Variants in MGAT4C observed in about 807,000 individuals in gnomAD.
MGAT4C encodes the protein MGAT4 family member C, also known as alpha-1,3-mannosyl-glycoprotein 4-beta-N-acetylglucosaminyltransferase C.
MGAT4C carries 19 observed loss-of-function variants against 40.1 expected under a neutral mutation model. The observed-to-expected ratio is 0.47, with a 90% CI of 0.33 to 0.70. The LOEUF is 0.70. MGAT4C is among the 30% of genes least tolerant of loss of function. The probability of loss-of-function intolerance (pLI) is 0.02; values close to 1 mark genes in which losing one functional copy is unlikely to be tolerated. For missense variants in MGAT4C, 491 were observed against 563.2 expected (o/e 0.87, Z 1.30); for synonymous variants, 181 against 187.1 (o/e 0.97, Z 0.27).
At chr12:86,078,584 C>T (rs970516285) in intron 1 of MGAT4C, among the ~76,000 whole-genome samples, 2 of 152,330 alleles carry the variant, frequency 1.3e-5, no homozygotes, top group African/African-American at 4.8e-5. Flanking sequence ...TGGCTTGTCA[C>T]TCCAAGGAAT....
At chr12:86,457,889 A>C (rs1478269296) in intron 2 of MGAT4C, among the ~76,000 whole-genome samples, 1 of 152,128 alleles carries the variant, frequency 6.6e-6, no homozygotes, top group Non-Finnish European at 1.5e-5. Flanking sequence ...CATGTGCTTC[A>C]GTATGGAATA....
At chr12:86,495,011 T>C (rs1958212599) in intron 2 of MGAT4C, among the ~76,000 whole-genome samples, 1 of 152,104 alleles carries the variant, frequency 6.6e-6, no homozygotes, top group Non-Finnish European at 1.5e-5. Flanking sequence ...GTGATTCTAC[T>C]TCTAAGAATA....
intron 1 of MGAT4C, among the ~76,000 whole-genome samples, chr12:86,793,280 G>T (rs2136194991): frequency 6.6e-6 from 1 of 152,240 alleles, no homozygotes; most frequent in Non-Finnish European, 1.5e-5. Context: ...ACTCAGAAAA[G>T]AAGTGATTTA....
intron 1 of MGAT4C, among the ~76,000 whole-genome samples, chr12:86,102,170 A>G (rs1262199074): frequency 6.6e-6 from 1 of 152,002 alleles, no homozygotes; most frequent in Admixed American, 6.6e-5. Context: ...GTAAACTTGA[A>G]TAACTAAAAT....
intron 4 of MGAT4C, among the ~76,000 whole-genome samples, chr12:86,301,909 G>A (rs1422825675): frequency 6.6e-6 from 1 of 151,398 alleles, no homozygotes; most frequent in Non-Finnish European, 1.5e-5. Flanking sequence ...TTGATAACAT[G>A]CAGGATTCAC....
chr12:86,363,602 T>A (rs909223627), intron 3 of MGAT4C, among the ~76,000 whole-genome samples: 6 of 151,958 alleles, frequency 3.9e-5, no homozygotes, highest in African/African-American at 1.4e-4. Context: ...AAAAATGTGA[T>A]AATAAAGATT....
intron 2 of MGAT4C, among the ~76,000 whole-genome samples, chr12:86,035,588 C>T (rs1449395075): frequency 2.0e-5 from 3 of 149,930 alleles, no homozygotes; most frequent in Admixed American, 6.7e-5. Flanking sequence ...TCATTAGATC[C>T]TATTTGTCAA....
chr12:86,828,977 A>C (rs1408043657), intron 1 of MGAT4C, among the ~76,000 whole-genome samples: 1 of 151,638 alleles, frequency 6.6e-6, no homozygotes, highest in East Asian at 1.9e-4. Flanking sequence ...TATATGCTTA[A>C]AGAATTCTAT....
intron 2 of MGAT4C, among the ~76,000 whole-genome samples, chr12:86,010,602 C>T (rs10863145): frequency 0.25 from 38,552 of 152,012 alleles, 5,602 homozygotes; most frequent in Non-Finnish European, 0.33. Context: ...TGCTTGAAAC[C>T]GGGAGGCGGA....
intron 1 of MGAT4C, among the ~76,000 whole-genome samples, chr12:86,198,385 A>G (rs1053795293): frequency 6.6e-6 from 1 of 152,184 alleles, no homozygotes; most frequent in Non-Finnish European, 1.5e-5. Context: ...TTTTTTGACT[A>G]ATCTGTTTGA....
At chr12:86,328,028 A>G (rs1165105096) in intron 4 of MGAT4C, among the ~76,000 whole-genome samples, 3 of 152,302 alleles carry the variant, frequency 2.0e-5, no homozygotes, top group African/African-American at 7.2e-5. Context: ...TTGAAATGAA[A>G]ACAAAACACT....
At chr12:86,249,616 A>G (rs1952181842) in intron 1 of MGAT4C, among the ~76,000 whole-genome samples, 2 of 152,142 alleles carry the variant, frequency 1.3e-5, no homozygotes, top group Non-Finnish European at 2.9e-5. Context: ...AGTTGTCCTT[A>G]CTGGTTATTT....
chr12:86,739,669 A>G (rs1951037394), intron 1 of MGAT4C, among the ~76,000 whole-genome samples: 1 of 151,136 alleles, frequency 6.6e-6, no homozygotes, highest in Non-Finnish European at 1.5e-5. Flanking sequence ...GAGATTATTT[A>G]TACTATAAAT....
At chr12:86,042,388 A>G (rs1305718328) in intron 2 of MGAT4C, among the ~76,000 whole-genome samples, 1 of 152,088 alleles carries the variant, frequency 6.6e-6, no homozygotes, top group African/African-American at 2.4e-5. Flanking sequence ...TTGTTTGTGT[A>G]GTTGCTTTAT....
intron 4 of MGAT4C, among the ~76,000 whole-genome samples, chr12:86,330,039 G>A (rs1369784123): frequency 6.6e-6 from 1 of 152,172 alleles, no homozygotes; most frequent in Non-Finnish European, 1.5e-5. Context: ...CACAGGAAAT[G>A]CTACCTACAA....
intron 2 of MGAT4C, among the ~76,000 whole-genome samples, chr12:86,611,456 T>TAGATAGATAGATAGATA (rs1555210960): frequency 2.1e-5 from 3 of 143,662 alleles, no homozygotes; most frequent in Admixed American, 1.4e-4. Context: ...GATAGATAGA[T>TAGATAGATAGATAGATA]GATAGATAGA....
chr12:86,719,277 T>C (rs913975051), intron 2 of MGAT4C, among the ~76,000 whole-genome samples: 2 of 152,180 alleles, frequency 1.3e-5, no homozygotes, highest in African/African-American at 4.8e-5. Flanking sequence ...GAGGTTTTAG[T>C]ATCCTGTTAT....
At chr12:86,591,384 C>A (rs1321075030) in intron 2 of MGAT4C, among the ~76,000 whole-genome samples, 4 of 151,812 alleles carry the variant, frequency 2.6e-5, no homozygotes, top group Non-Finnish European at 5.9e-5. Flanking sequence ...AAATTTATGG[C>A]AATTATGAAA....
At chr12:86,197,337 A>G (rs551178176) in intron 1 of MGAT4C, among the ~76,000 whole-genome samples, 10 of 152,350 alleles carry the variant, frequency 6.6e-5, no homozygotes, top group Admixed American at 1.3e-4. Flanking sequence ...GTATACATAT[A>G]TACATATACA....
Sources: allele counts gnomAD v4.1 joint callset (sites outside exome capture counted in the v4.1 genomes callset), GRCh38; gene constraint gnomAD v4.1.1; transcripts MANE v1.5; gene names NCBI Gene and HGNC (gene_info 2026-07-23, HGNC 2026-07-21).